The following EYS variants were observed in gnomAD, a reference collection of about 807,000 sequenced individuals.
EYS encodes the protein protein eyes shut homolog.
EYS carries 250 observed loss-of-function variants against 282.1 expected under a neutral mutation model. The ratio of observed to expected loss-of-function variants is 0.89; its 90% CI spans 0.80 to 0.98. The LOEUF is 0.98. EYS is among the 50% of genes least tolerant of loss of function. The pLI, the probability that EYS is intolerant of heterozygous loss-of-function variation, is 0.00. For missense variants in EYS, 4,016 were observed against 3,709.0 expected (o/e 1.08, Z -2.15); for synonymous variants, 1,355 against 1,282.9 (o/e 1.06, Z -1.20).
chr6:65,239,947 A>G (rs999742350), intron 12 of EYS, among the ~76,000 whole-genome samples: 1 of 151,280 alleles, frequency 6.6e-6, no homozygotes, highest in Non-Finnish European at 1.5e-5. Flanking sequence ...TTAAAAATCC[A>G]TGTATTTGTA....
chr6:65,481,967 G>A (rs563889041), intron 5 of EYS, among the ~76,000 whole-genome samples: 2 of 152,224 alleles, frequency 1.3e-5, no homozygotes, highest in East Asian at 3.9e-4. Context: ...GAAATTAATT[G>A]GAAGATTCAG....
rs191601051 is a variant in EYS, at chr6:64,064,364, G to A, written c.6725+1974C>T. ...ACCAGGAGAAACAGAAAAATGAGAT[G>A]CAAATATTAAGACATCGAGAGCATG... is the stretch of plus-strand genomic sequence containing the variant. On this transcript the variant is annotated intron_variant, in intron 33 of 42. Transcript: ENST00000503581. 5.3e-5 allele frequency among the ~76,000 whole-genome samples: 8 copies of A among 152,190 alleles called. No individual in the cohort carries two copies. The East Asian group carries it at 1.5e-3, about 29-fold the overall frequency.
intron 9 of EYS, among the ~76,000 whole-genome samples, chr6:65,353,127 A>C (rs1764350781): frequency 6.6e-6 from 1 of 151,778 alleles, no homozygotes. Flanking sequence ...CTGTTTTCAT[A>C]AGAGCATTTT....
intron 15 of EYS, among the ~76,000 whole-genome samples, chr6:64,928,278 C>A (rs1243899716): frequency 3.3e-5 from 5 of 151,930 alleles, no homozygotes; most frequent in Non-Finnish European, 7.4e-5. Context: ...AACTTAATAT[C>A]AAATTTTGAT....
intron 30 of EYS, among the ~76,000 whole-genome samples, chr6:64,256,861 G>A (rs1188786313): frequency 6.6e-6 from 1 of 151,980 alleles, no homozygotes; most frequent in Non-Finnish European, 1.5e-5. Context: ...TGAGAGCTAT[G>A]CAAATAGTTA....
intron 2 of EYS, among the ~76,000 whole-genome samples, chr6:65,587,022 A>G (rs1765073691): frequency 6.6e-6 from 1 of 152,010 alleles, no homozygotes; most frequent in Non-Finnish European, 1.5e-5. Flanking sequence ...TTAAAATCTG[A>G]GTGTTCAAAT....
At chr6:65,676,067 G>A (rs2149835435) in intron 1 of EYS, among the ~76,000 whole-genome samples, 1 of 151,812 alleles carries the variant, frequency 6.6e-6, no homozygotes, top group East Asian at 1.9e-4. Context: ...CAAAATTTAT[G>A]AGCTGTAGCA....
chr6:64,290,539 T>G (rs1038458397), intron 30 of EYS, among the ~76,000 whole-genome samples: 1 of 152,106 alleles, frequency 6.6e-6, no homozygotes, highest in African/African-American at 2.4e-5. Flanking sequence ...GTAGCCTAAC[T>G]TAATTATTCA....
intron 5 of EYS, among the ~76,000 whole-genome samples, chr6:65,411,302 T>G (rs1402090547): frequency 6.6e-6 from 1 of 152,102 alleles, no homozygotes; most frequent in Non-Finnish European, 1.5e-5. Context: ...ATATCCTGTG[T>G]GTATATTTGT....
intron 31 of EYS, among the ~76,000 whole-genome samples, chr6:64,084,325 G>A (rs550511004): frequency 2.0e-5 from 3 of 152,256 alleles, no homozygotes; most frequent in South Asian, 2.1e-4. Context: ...TGCAAACATT[G>A]CACAGATTAA....
At chr6:65,603,598 T>C (rs1200683486) in intron 2 of EYS, among the ~76,000 whole-genome samples, 2 of 152,002 alleles carry the variant, frequency 1.3e-5, no homozygotes, top group Non-Finnish European at 2.9e-5. Flanking sequence ...AAACACTTTA[T>C]AATACATATC....
chr6:65,032,652 C>T (rs765784374), intron 13 of EYS, among the ~76,000 whole-genome samples: 13 of 151,948 alleles, frequency 8.6e-5, no homozygotes, highest in East Asian at 1.9e-4. Context: ...GCCTGCAGAA[C>T]GGTGAGCTAA....
intron 12 of EYS, among the ~76,000 whole-genome samples, chr6:65,289,013 A>G (rs1482836682): frequency 6.6e-6 from 1 of 151,068 alleles, no homozygotes; most frequent in Non-Finnish European, 1.5e-5. Flanking sequence ...GAAAAATATA[A>G]CATAGAATGG....
At chr6:65,310,181 T>TA (rs1458042513) in intron 11 of EYS, among the ~76,000 whole-genome samples, 1 of 151,922 alleles carries the variant, frequency 6.6e-6, no homozygotes, top group Non-Finnish European at 1.5e-5. Context: ...TCATCTCTAC[T>TA]AAAAATACAA....
At chr6:65,042,394 G>T (rs1772964764) in intron 13 of EYS, among the ~76,000 whole-genome samples, 2 of 151,084 alleles carry the variant, frequency 1.3e-5, no homozygotes, top group South Asian at 2.1e-4. Flanking sequence ...TTTACCATTT[G>T]CTTTTTGTAA....
intron 13 of EYS, among the ~76,000 whole-genome samples, chr6:65,030,279 C>T (rs9453156): frequency 0.18 from 27,357 of 151,924 alleles, 2,697 homozygotes; most frequent in African/African-American, 0.25. Context: ...GTCAGATGCC[C>T]AACCAGGTGC....
At chr6:65,186,536 CAT>C (rs1290666659) in intron 12 of EYS, among the ~76,000 whole-genome samples, 1 of 151,548 alleles carries the variant, frequency 6.6e-6, no homozygotes, top group Non-Finnish European at 1.5e-5. Flanking sequence ...CTATACAACA[CAT>C]GAGTGAGAAA....
At chr6:65,060,194 C>A (rs998924836) in intron 12 of EYS, among the ~76,000 whole-genome samples, 1 of 151,428 alleles carries the variant, frequency 6.6e-6, no homozygotes, top group Non-Finnish European at 1.5e-5. Context: ...TGATCTTAGA[C>A]ATCAGGAGGG....
chr6:63,740,051 C>G (rs1259231442), intron 41 of EYS, among the ~76,000 whole-genome samples: 2 of 152,078 alleles, frequency 1.3e-5, no homozygotes, highest in African/African-American at 4.8e-5. Context: ...AAATATTCAG[C>G]ACTTTTGGAA....
Sources: allele counts gnomAD v4.1 joint callset (sites outside exome capture counted in the v4.1 genomes callset), GRCh38; gene constraint gnomAD v4.1.1; transcripts MANE v1.5; gene names NCBI Gene and HGNC (gene_info 2026-07-23, HGNC 2026-07-21).